CDH10: variants seen among roughly 807,000 people sequenced by gnomAD.
CDH10 encodes the protein cadherin 10, also known as cadherin-10.
A neutral mutation model predicts 73.1 loss-of-function variants in CDH10; 30 were observed. The observed-to-expected ratio is 0.41, with a 90% CI of 0.31 to 0.56. The LOEUF (loss-of-function observed/expected upper bound fraction) is 0.56, where lower values mean the gene tolerates loss of function less well. CDH10 is among the 20% of genes least tolerant of loss of function. The probability of loss-of-function intolerance (pLI) is 0.27; values close to 1 mark genes in which losing one functional copy is unlikely to be tolerated. For missense variants in CDH10, 815 were observed against 973.7 expected, an observed-to-expected ratio of 0.84 and a Z score of 2.17; for synonymous variants, 345 against 348.2, an observed-to-expected ratio of 0.99 and a Z score of 0.10.
chr5:24,492,736 C>A, intron 10 of CDH10, 81 bp downstream of exon 10: 1 of 712,772 alleles, frequency 1.4e-6, no homozygotes, highest in Non-Finnish European at 2.6e-6. Context: ...ATTGATATGG[C>A]ATATATATTG....
Position 24,509,686 on chromosome 5 carries a change from T to C in CDH10, c.1136A>G (p.Asp379Gly). ...GGACCTACTAAAAACAGGAGGTTCA[T>C]CCACATCTTCTATAGAGATTTTCAC... ...TIVKISIEDV[D>G]EPPVFSRSSY... Residue 379 changes from aspartate to glycine, a missense_variant, in exon 7 of 12, where the codon GAT (aspartate) becomes GGT (glycine). Around this residue, in one of 3 missense-constraint regions of CDH10, gnomAD observed 516 missense variants for 636.6 expected, o/e 0.81. Coordinates refer to ENST00000264463, the MANE Select transcript of CDH10 (RefSeq NM_006727.5). 1 of 1,613,648 alleles carries C rather than the reference T, an allele frequency of 6.2e-7. No homozygotes were observed. Among genetic ancestry groups the C allele is most frequent in the Non-Finnish European group, 8.5e-7 (1 of 1,179,544 alleles).
chr5:24,632,197 A>G (rs531536557), intron 1 of CDH10, among the ~76,000 whole-genome samples: 53 of 152,202 alleles, frequency 3.5e-4, no homozygotes, highest in African/African-American at 1.2e-3. Context: ...GTGCTTTCAT[A>G]TGCTTCTTTC....
intron 2 of CDH10, among the ~76,000 whole-genome samples, chr5:24,589,117 T>C (rs1446049096): frequency 1.3e-5 from 2 of 152,158 alleles, no homozygotes; most frequent in Non-Finnish European, 2.9e-5. Context: ...GTGTGCATAA[T>C]ACTGGAGTGG....
At chr5:24,535,551 T>C in intron 4 of CDH10, 152 bp downstream of exon 4, 1 of 747,270 alleles carries the variant, frequency 1.3e-6, no homozygotes, top group Non-Finnish European at 2.1e-6. Flanking sequence ...ACTCTATCAT[T>C]TAACTTTGAG....
intron 5 of CDH10, among the ~76,000 whole-genome samples, chr5:24,518,815 G>C (rs1743203797): frequency 6.6e-6 from 1 of 151,378 alleles, no homozygotes; most frequent in Non-Finnish European, 1.5e-5. Flanking sequence ...ATCGGAGAAG[G>C]ATTACAGTGA....
At chr5:24,492,952 T>G in intron 9 of CDH10, 27 bp from the exon 10 acceptor site, 1 of 850,878 alleles carries the variant, frequency 1.2e-6, no homozygotes, top group Non-Finnish European at 2.1e-6. Flanking sequence ...ATATATCTCA[T>G]CAATATATCT....
At chr5:24,605,458 T>C (rs565125001) in intron 1 of CDH10, among the ~76,000 whole-genome samples, 25 of 152,330 alleles carry the variant, frequency 1.6e-4, no homozygotes, top group African/African-American at 5.3e-4. Flanking sequence ...TCATGGCTGA[T>C]TGCCTGACAA....
At chr5:24,513,047 G>C (rs1742980877) in intron 5 of CDH10, among the ~76,000 whole-genome samples, 1 of 119,044 alleles carries the variant, frequency 8.4e-6, no homozygotes, top group Non-Finnish European at 1.8e-5. Context: ...TTTCTTGATG[G>C]AGTCTCAGTC....
chr5:24,582,215 T>G (rs1470923106), intron 2 of CDH10, among the ~76,000 whole-genome samples: 1 of 152,178 alleles, frequency 6.6e-6, no homozygotes, highest in African/African-American at 2.4e-5. Context: ...ACATTGATAT[T>G]GCATAACATA....
At chr5:24,629,533 G>A (rs1646747441) in intron 1 of CDH10, among the ~76,000 whole-genome samples, 1 of 152,134 alleles carries the variant, frequency 6.6e-6, no homozygotes, top group Non-Finnish European at 1.5e-5. Context: ...GGAAGTGATA[G>A]AGTTTGGCTT....
intron 5 of CDH10, among the ~76,000 whole-genome samples, chr5:24,526,809 T>C (rs943923715): frequency 6.6e-6 from 1 of 151,858 alleles, no homozygotes; most frequent in Non-Finnish European, 1.5e-5. Flanking sequence ...TCTTAAATAA[T>C]ATATGCAGCA....
chr5:24,633,396 G>A (rs1747765556), intron 1 of CDH10, among the ~76,000 whole-genome samples: 2 of 151,712 alleles, frequency 1.3e-5, no homozygotes, highest in African/African-American at 4.8e-5. Context: ...TAAAAAAAAT[G>A]TAAACAAATT....
Position 24,488,801 on chromosome 5 carries a change from C to CCA in CDH10, c.1877-649_1877-648insTG, listed in dbSNP as rs1554015599. On this transcript the variant is annotated intron_variant, in intron 11 of 11. Transcript: ENST00000264463. The stretch of plus-strand genomic sequence containing the variant: ...TATACCTTGCATGAGACCCCCCCCC[C>CCA]AAAAAAAATTGTTAGGTTATAAGAT... 2.4e-4 allele frequency among the ~76,000 whole-genome samples: 28 copies of CCA among 114,742 alleles called. No individual in the cohort carries two copies. The South Asian group carries it at 3.5e-3, about 14-fold the overall frequency. The allele number at this position is 114,742 out of a possible 152,430, so 75.3% of individuals were successfully genotyped here.
intron 2 of CDH10, among the ~76,000 whole-genome samples, chr5:24,560,417 TTTTTC>T (rs1383776994): frequency 1.3e-4 from 20 of 152,086 alleles, no homozygotes; most frequent in African/African-American, 4.6e-4. Context: ...TTCCTTTAGA[TTTTTC>T]TTTTCATTTA....
At chr5:24,514,596 TC>T (rs1743041137) in intron 5 of CDH10, among the ~76,000 whole-genome samples, 1 of 152,172 alleles carries the variant, frequency 6.6e-6, no homozygotes, top group South Asian at 2.1e-4. Flanking sequence ...AATTTATTAC[TC>T]CTTAGCAAAG....
chr5:24,569,582 A>G, intron 2 of CDH10, among the ~76,000 whole-genome samples: 1 of 152,154 alleles, frequency 6.6e-6, no homozygotes, highest in Non-Finnish European at 1.5e-5. Flanking sequence ...CAAATCAGTA[A>G]TTTCCAAAAT....
At chr5:24,494,990 C>A (rs1742217331) in intron 9 of CDH10, among the ~76,000 whole-genome samples, 1 of 151,980 alleles carries the variant, frequency 6.6e-6, no homozygotes. Flanking sequence ...TTCTAGTGTT[C>A]AATTTCTTCA....
At chr5:24,515,027 C>T (rs769584564) in intron 5 of CDH10, among the ~76,000 whole-genome samples, 1 of 152,000 alleles carries the variant, frequency 6.6e-6, no homozygotes, top group East Asian at 1.9e-4. Flanking sequence ...AATATTCTGA[C>T]CATGCCACAA....
chr5:24,575,708 A>G (rs1579831126), intron 2 of CDH10, among the ~76,000 whole-genome samples: 1 of 152,142 alleles, frequency 6.6e-6, no homozygotes, highest in South Asian at 2.1e-4. Context: ...TACTTTTTGT[A>G]ACATTGTTTC....
Sources: gnomAD v4.1 joint callset for allele counts (sites outside exome capture counted in the v4.1 genomes callset) on GRCh38, gnomAD v4.1.1 for gene constraint, gnomAD v4.1.1 regional missense constraint, MANE v1.5 for transcripts, NCBI Gene and HGNC (gene_info 2026-07-23, HGNC 2026-07-21) for gene names.